ZSCAN5A: variants seen among roughly 807,000 people sequenced by gnomAD.
The protein encoded by ZSCAN5A is zinc finger and SCAN domain-containing protein 5A.
In ZSCAN5A, 12 loss-of-function variants were observed where a neutral mutation model predicts 23.7. The observed-to-expected ratio is 0.51, with a 90% CI of 0.32 to 0.82. The LOEUF (loss-of-function observed/expected upper bound fraction) is 0.82. ZSCAN5A is among the 40% of genes least tolerant of loss of function. The pLI is 0.03. For synonymous variants in ZSCAN5A, 257 were observed against 239.9 expected, an observed-to-expected ratio of 1.07 and a Z score of -0.66; for missense variants, 597 against 617.9, an observed-to-expected ratio of 0.97 and a Z score of 0.36.
At chr19:56,263,923 CT>C (rs1236824009) in intron 2 of ZSCAN5A, among the ~76,000 whole-genome samples, 1 of 151,684 alleles carries the variant, frequency 6.6e-6, no homozygotes, top group Non-Finnish European at 1.5e-5. Context: ...TTATTTCCCC[CT>C]AAAAGTCTAT....
At chr19:56,249,010 G>GC (rs202241513) in intron 2 of ZSCAN5A, among the ~76,000 whole-genome samples, 88 of 151,432 alleles carry the variant, frequency 5.8e-4, no homozygotes, top group East Asian at 1.7e-3. Flanking sequence ...TATTTTCACT[G>GC]CCCCCCCCGA....
Position 56,225,180 on chromosome 19 carries a change from G to GT in ZSCAN5A, c.-127-8_-127-7insA. The GT allele has an allele frequency of 7.3e-7, 1 of 1,373,582 alleles. No homozygotes were observed. 85.1% of individuals were successfully genotyped at this position (1,373,582 alleles called of 1,614,324 possible). ...TCACTGTTCATTCAGAAGTCTGGGG[G>GT]GGAAAAGTATGAGCCTCATTAGTTT... On this transcript the variant is annotated splice_polypyrimidine_tract_variant and splice_region_variant and intron_variant, in intron 2 of 5. Transcript: ENST00000683990.
At chr19:56,291,461 TTC>T (rs1378817003) in intron 2 of ZSCAN5A, among the ~76,000 whole-genome samples, 1 of 152,182 alleles carries the variant, frequency 6.6e-6, no homozygotes, top group Non-Finnish European at 1.5e-5. Flanking sequence ...GACACTTTAT[TTC>T]TCTTTTTTGG....
At chr19:56,267,358 C>T (rs549128311) in intron 2 of ZSCAN5A, among the ~76,000 whole-genome samples, 3 of 152,118 alleles carry the variant, frequency 2.0e-5, no homozygotes, top group South Asian at 4.2e-4. Flanking sequence ...TCTGTCAGAA[C>T]TGTCATAGCA....
chr19:56,307,221 C>T (rs963189723), intron 2 of ZSCAN5A, among the ~76,000 whole-genome samples: 7 of 152,308 alleles, frequency 4.6e-5, no homozygotes, highest in Admixed American at 1.3e-4. Flanking sequence ...GCCTCTCCCA[C>T]GTCGCCTGCC....
chr19:56,256,333 T>C (rs2036688946), intron 2 of ZSCAN5A, among the ~76,000 whole-genome samples: 1 of 152,064 alleles, frequency 6.6e-6, no homozygotes, highest in Non-Finnish European at 1.5e-5. Flanking sequence ...GCTGGGATTA[T>C]GGGTGCACAC....
intron 2 of ZSCAN5A, among the ~76,000 whole-genome samples, chr19:56,251,576 T>G (rs2036346582): frequency 6.6e-6 from 1 of 152,138 alleles, no homozygotes; most frequent in Non-Finnish European, 1.5e-5. Flanking sequence ...GTGTGTGTGT[T>G]TTACAGGGTC....
At chr19:56,247,934 C>T (rs959950644) in intron 2 of ZSCAN5A, among the ~76,000 whole-genome samples, 2 of 152,218 alleles carry the variant, frequency 1.3e-5, no homozygotes, top group African/African-American at 4.8e-5. Context: ...TCGTGATCCG[C>T]CCGCCTCACC....
At chr19:56,365,364 C>T (rs1273709109) in intron 1 of ZSCAN5A, among the ~76,000 whole-genome samples, 1 of 152,264 alleles carries the variant, frequency 6.6e-6, no homozygotes, top group East Asian at 1.9e-4. Context: ...ACCTTTGTAG[C>T]GAGGTTTTCT....
At chr19:56,251,082 A>G (rs1175649770) in intron 2 of ZSCAN5A, among the ~76,000 whole-genome samples, 11 of 151,534 alleles carry the variant, frequency 7.3e-5, no homozygotes, top group Non-Finnish European at 1.5e-4. Flanking sequence ...CCCGGGTGGC[A>G]GAGATTGCAG....
chr19:56,231,728 A>G (rs2195974), intron 2 of ZSCAN5A, among the ~76,000 whole-genome samples: 117,525 of 152,102 alleles, frequency 0.77, 45,550 homozygotes, highest in Admixed American at 0.82. Context: ...ACAGTTTAGC[A>G]GCATTTGGTG....
intron 2 of ZSCAN5A, among the ~76,000 whole-genome samples, chr19:56,296,615 A>G (rs145774052): frequency 6.6e-6 from 1 of 152,300 alleles, no homozygotes; most frequent in East Asian, 1.9e-4. Flanking sequence ...GAAGTCTGTG[A>G]CCAAGTGAAA....
chr19:56,237,506 G>C lies in ZSCAN5A; in HGVS notation c.-127-12333C>G, dbSNP rs938687558. On this transcript the variant is annotated intron_variant, in intron 2 of 5. Coordinates refer to ENST00000683990, the MANE Select transcript of ZSCAN5A (RefSeq NM_001322064.3). ...AGGCTAGGCTAAACTCTGATGTTTT[G>C]TAGGTGACATAATATTAAATGCATT... 1.4e-4 allele frequency among the ~76,000 whole-genome samples: 22 copies of C among 152,194 alleles called. 1 individual carries two copies. Among genetic ancestry groups the C allele is most frequent in the Non-Finnish European group, 1.5e-5 (1 of 68,052 alleles).
intron 1 of ZSCAN5A, among the ~76,000 whole-genome samples, chr19:56,363,566 C>G (rs1041597890): frequency 6.6e-5 from 10 of 152,254 alleles, no homozygotes; most frequent in East Asian, 1.9e-4. Flanking sequence ...TGGTTGTGAC[C>G]AAAATGCTAA....
intron 4 of ZSCAN5A, among the ~76,000 whole-genome samples, chr19:56,223,105 C>T (rs916902693): frequency 2.0e-5 from 3 of 152,260 alleles, no homozygotes; most frequent in Non-Finnish European, 2.9e-5. Context: ...GGCTGCATCA[C>T]CCTGCTGGAG....
At chr19:56,330,931 A>G (rs1028950452) in intron 2 of ZSCAN5A, among the ~76,000 whole-genome samples, 2 of 152,118 alleles carry the variant, frequency 1.3e-5, no homozygotes, top group African/African-American at 4.8e-5. Context: ...GACATCTCTT[A>G]GATTGAGGTC....
At chr19:56,301,434 T>G (rs2040223307) in intron 2 of ZSCAN5A, among the ~76,000 whole-genome samples, 1 of 152,002 alleles carries the variant, frequency 6.6e-6, no homozygotes, top group Non-Finnish European at 1.5e-5. Context: ...GCATTATAAT[T>G]AGTATATAAT....
chr19:56,354,243 T>C (rs1411785640), intron 2 of ZSCAN5A, among the ~76,000 whole-genome samples: 1 of 148,840 alleles, frequency 6.7e-6, no homozygotes, highest in Non-Finnish European at 1.5e-5. Context: ...AATGTGCATA[T>C]TTACTGAACC....
chr19:56,265,212 T>C (rs576149633), intron 2 of ZSCAN5A, among the ~76,000 whole-genome samples: 2 of 151,950 alleles, frequency 1.3e-5, no homozygotes, highest in Non-Finnish European at 2.9e-5. Flanking sequence ...CATGGGCTTA[T>C]TTCAGAATTA....
Sources: gnomAD v4.1 joint callset for allele counts (sites outside exome capture counted in the v4.1 genomes callset) on GRCh38, gnomAD v4.1.1 for gene constraint, MANE v1.5 for transcripts, NCBI Gene and HGNC (gene_info 2026-07-23, HGNC 2026-07-21) for gene names.